Variants in GRIP1 observed in about 807,000 individuals in gnomAD.
GRIP1 encodes glutamate receptor interacting protein 1.
A neutral mutation model predicts 129.9 loss-of-function variants in GRIP1; 45 were observed. The observed-to-expected ratio is 0.35, with a 90% CI of 0.27 to 0.44. GRIP1 has a LOEUF of 0.44. Ranked by LOEUF, GRIP1 falls within the 20% of genes least tolerant of loss-of-function variation. GRIP1 has a pLI of 1.00. For missense variants in GRIP1, 1,196 were observed against 1,396.8 expected (o/e 0.86, Z 2.29); for synonymous variants, 530 against 520.8 (o/e 1.02, Z -0.24).
intron 1 of GRIP1, among the ~76,000 whole-genome samples, chr12:66,835,998 C>T: frequency 6.6e-6 from 1 of 152,058 alleles, no homozygotes; most frequent in Middle Eastern, 3.2e-3. Context: ...CTCTCTATAC[C>T]TTCCACTTAA....
At chr12:67,025,029 A>T (rs2042920767) in intron 1 of GRIP1, among the ~76,000 whole-genome samples, 1 of 152,102 alleles carries the variant, frequency 6.6e-6, no homozygotes, top group Non-Finnish European at 1.5e-5. Context: ...TTAGCATAAA[A>T]CCCTCTATGT....
At chr12:66,618,067 T>C (rs982933467) in intron 1 of GRIP1, among the ~76,000 whole-genome samples, 26 of 152,188 alleles carry the variant, frequency 1.7e-4, no homozygotes, top group Admixed American at 5.2e-4. Flanking sequence ...ATATTCGTTA[T>C]AGCAATTTCA....
Position 66,457,824 on chromosome 12 carries a change from C to T in GRIP1, c.1043-1482G>A, listed in dbSNP as rs555325942. On this transcript the variant is annotated intron_variant, in intron 9 of 24. Coordinates refer to ENST00000359742, the MANE Select transcript of GRIP1 (RefSeq NM_001366722.1). ...GGTTTCAGCTCTGCCTCCAGCCCTTCCTCTTTGTATGACCTTGGCCAGCTA... is the reference window on the plus strand; with the variant it reads ...GGTTTCAGCTCTGCCTCCAGCCCTTTCTCTTTGTATGACCTTGGCCAGCTA... 2.4e-4 allele frequency among the ~76,000 whole-genome samples: 37 copies of T among 152,266 alleles called. 1 individual carries two copies. The highest frequency in any genetic ancestry group is 8.4e-4 in the African/African-American group (35 of 41,558).
At chr12:66,458,569 G>T (rs2059038226) in intron 9 of GRIP1, among the ~76,000 whole-genome samples, 1 of 152,146 alleles carries the variant, frequency 6.6e-6, no homozygotes, top group African/African-American at 2.4e-5. Flanking sequence ...ATTTTTGGTA[G>T]AGATGGGGTT....
intron 1 of GRIP1, among the ~76,000 whole-genome samples, chr12:66,689,966 T>C (rs1194196426): frequency 1.3e-5 from 2 of 152,140 alleles, no homozygotes; most frequent in Non-Finnish European, 2.9e-5. Flanking sequence ...TTGCCCAGGC[T>C]AGAGTGCAGG....
chr12:67,035,945 A>G (rs2043087887), intron 1 of GRIP1, among the ~76,000 whole-genome samples: 1 of 152,196 alleles, frequency 6.6e-6, no homozygotes. Flanking sequence ...CTAGAGCAGC[A>G]CCCAGTTCCC....
At chr12:66,987,287 G>A (rs2042326681) in intron 1 of GRIP1, among the ~76,000 whole-genome samples, 1 of 152,156 alleles carries the variant, frequency 6.6e-6, no homozygotes. Flanking sequence ...GTGCCTGACT[G>A]GTAGTGAATA....
intron 1 of GRIP1, among the ~76,000 whole-genome samples, chr12:66,643,455 A>G (rs2032102995): frequency 6.6e-6 from 1 of 152,258 alleles, no homozygotes; most frequent in Non-Finnish European, 1.5e-5. Context: ...CAGTACATGA[A>G]TAAACAAGGT....
intron 2 of GRIP1, chr12:66,564,125 CT>C (rs2062644412): frequency 7.4e-6 from 1 of 134,614 alleles, no homozygotes; most frequent in South Asian, 2.4e-4. Context: ...GCATCAATAT[CT>C]CTGATTTTTT....
intron 12 of GRIP1, 54 bp downstream of exon 12, chr12:66,445,268 G>A: frequency 5.9e-6 from 8 of 1,350,644 alleles, no homozygotes; most frequent in African/African-American, 1.4e-5. Context: ...TTCAAAGATA[G>A]CAGGTACCAG....
chr12:67,059,957 T>C lies in GRIP1; in HGVS notation c.58+9093A>G, dbSNP rs1478607884. On this transcript the variant is annotated intron_variant, in intron 1 of 1. Transcript: ENST00000643019. ...TCTGTGACTAGCGAGTTTATCTCATTGAAGAGGACAAGAACAGATGCAGTC... is the reference window on the plus strand; with the variant it reads ...TCTGTGACTAGCGAGTTTATCTCATCGAAGAGGACAAGAACAGATGCAGTC... Among the ~76,000 whole-genome samples, 3 of 152,212 alleles carry C rather than the reference T, an allele frequency of 2.0e-5. No homozygotes were observed. In the South Asian group the frequency reaches 6.2e-4, roughly 32 times the overall value.
At chr12:66,935,508 G>C (rs2041469007) in intron 1 of GRIP1, among the ~76,000 whole-genome samples, 1 of 152,100 alleles carries the variant, frequency 6.6e-6, no homozygotes, top group Non-Finnish European at 1.5e-5. Flanking sequence ...CCTACTTGTG[G>C]GGAGAGGAAA....
At chr12:66,873,705 G>A (rs1322881203) in intron 1 of GRIP1, among the ~76,000 whole-genome samples, 3 of 152,116 alleles carry the variant, frequency 2.0e-5, no homozygotes, top group Non-Finnish European at 4.4e-5. Context: ...CTGGTGCTAT[G>A]ACTCCTCTGC....
At chr12:66,920,306 C>G (rs541238783) in intron 1 of GRIP1, among the ~76,000 whole-genome samples, 1 of 152,196 alleles carries the variant, frequency 6.6e-6, no homozygotes, top group Non-Finnish European at 1.5e-5. Flanking sequence ...TTTACTCTCC[C>G]GCCTACCCAG....
At chr12:66,557,325 C>G (rs2062370684) in intron 2 of GRIP1, among the ~76,000 whole-genome samples, 2 of 152,122 alleles carry the variant, frequency 1.3e-5, no homozygotes, top group South Asian at 4.1e-4. Context: ...CGCAGATATA[C>G]AAAGCAAATA....
chr12:66,679,638 A>T (rs1314097200), upstream of GRIP1, among the ~76,000 whole-genome samples: 1 of 152,150 alleles, frequency 6.6e-6, no homozygotes, highest in African/African-American at 2.4e-5. Context: ...AGGGCTAGGC[A>T]GACAATCAGG....
intron 1 of GRIP1, among the ~76,000 whole-genome samples, chr12:67,025,211 G>A (rs1001566198): frequency 1.3e-5 from 2 of 152,046 alleles, no homozygotes; most frequent in African/African-American, 4.8e-5. Flanking sequence ...TGTGGTGGCA[G>A]GTGCCTGTAA....
At chr12:66,385,615 A>G (rs1325138772) in intron 19 of GRIP1, among the ~76,000 whole-genome samples, 2 of 152,004 alleles carry the variant, frequency 1.3e-5, no homozygotes, top group Non-Finnish European at 2.9e-5. Context: ...TTATTTATTT[A>G]TTTATTTATT....
At chr12:66,451,620 A>C (rs1022443773) in intron 11 of GRIP1, among the ~76,000 whole-genome samples, 1 of 151,384 alleles carries the variant, frequency 6.6e-6, no homozygotes, top group Non-Finnish European at 1.5e-5. Flanking sequence ...ATGTTGCCCA[A>C]ACTGGTCTCA....
Sources: allele counts gnomAD v4.1 joint callset (sites outside exome capture counted in the v4.1 genomes callset), GRCh38; gene constraint gnomAD v4.1.1; transcripts MANE v1.5; gene names NCBI Gene and HGNC (gene_info 2026-07-23, HGNC 2026-07-21).